TSBP1: variants seen among roughly 807,000 people sequenced by gnomAD.
TSBP1 encodes testis-expressed basic protein 1.
Under a neutral mutation model 68.8 loss-of-function variants are expected in TSBP1, and 56 were observed. The observed-to-expected ratio is 0.81, with a 90% confidence interval of 0.66 to 1.02. The LOEUF (loss-of-function observed/expected upper bound fraction) is 1.02, where lower values mean the gene tolerates loss of function less well. Among genes scored for constraint, TSBP1 ranks in the 50% least tolerant of loss-of-function variants. The pLI is 0.00. For synonymous variants in TSBP1, 171 were observed against 208.7 expected, an observed-to-expected ratio of 0.82 and a Z score of 1.56; for missense variants, 502 against 641.2, an observed-to-expected ratio of 0.78 and a Z score of 2.34.
At position 32,336,622 on chromosome 6, in the gene TSBP1, G is replaced by T. The variant is rs112744833; in HGVS notation, c.423C>A (p.Ala141=). 9,303 of 1,611,952 alleles carry T rather than the reference G, an allele frequency of 5.8e-3. 47 individuals carry two copies. The highest frequency in any genetic ancestry group is 6.4e-3 in the Non-Finnish European group (7,584 of 1,179,124). The change falls in exon 12 of 23, where the codon GCC becomes GCA. Residue 141 remains alanine (A), a synonymous_variant. Coordinates refer to ENST00000612031, the Ensembl canonical transcript of TSBP1. This position sits in a 1 kb window ranked among gnomAD's most constrained non-coding sequence, Gnocchi z 5.2. ...AACAAACTTGATACTTACGAATAGG[G>T]GCTGTGAATTGCACTGAAATACAAA...
intron 8 of TSBP1, among the ~76,000 whole-genome samples, chr6:32,351,364 G>A (rs186024225): frequency 1.0e-3 from 154 of 152,236 alleles, no homozygotes; most frequent in African/African-American, 3.2e-3. Flanking sequence ...ATGAATTTGA[G>A]TGCCTAAGAC....
At chr6:32,368,394 G>A (rs1361742008) in intron 3 of TSBP1, among the ~76,000 whole-genome samples, 1 of 152,058 alleles carries the variant, frequency 6.6e-6, no homozygotes, top group Non-Finnish European at 1.5e-5. Context: ...GTTATTCTAG[G>A]ATACATTATA....
At chr6:32,371,381 C>T (rs1016789023) in intron 1 of TSBP1, among the ~76,000 whole-genome samples, 9 of 152,072 alleles carry the variant, frequency 5.9e-5, no homozygotes, top group Non-Finnish European at 1.0e-4. Context: ...TATAGAGTGA[C>T]CATGCTACAG....
chr6:32,368,084 G>C, intron 3 of TSBP1, 127 bp from the exon 4 acceptor site: 3 of 748,302 alleles, frequency 4.0e-6, no homozygotes, highest in Non-Finnish European at 6.7e-6. Flanking sequence ...AATTTACTTT[G>C]CAGGAACTAG....
At chr6:32,348,415 C>T (rs1267018157) in intron 9 of TSBP1, among the ~76,000 whole-genome samples, 1 of 152,172 alleles carries the variant, frequency 6.6e-6, no homozygotes, top group Non-Finnish European at 1.5e-5. Context: ...ACAAAACAGC[C>T]TTATTCATGG....
intron 19 of TSBP1, among the ~76,000 whole-genome samples, chr6:32,309,048 C>T (rs772414586): frequency 4.3e-4 from 64 of 148,824 alleles, no homozygotes; most frequent in Non-Finnish European, 9.0e-4. Flanking sequence ...CTCCCAGGCT[C>T]GAGCAATCCT....
intron 2 of TSBP1, among the ~76,000 whole-genome samples, chr6:32,369,285 A>ATT (rs9279610): frequency 2.2e-4 from 31 of 141,508 alleles, no homozygotes; most frequent in East Asian, 6.2e-4. Context: ...TCTCACTTCT[A>ATT]TTTTTTTTTT....
At chr6:32,329,692 G>A (rs1379506078) in intron 16 of TSBP1, among the ~76,000 whole-genome samples, 1 of 152,086 alleles carries the variant, frequency 6.6e-6, no homozygotes, top group Non-Finnish European at 1.5e-5. Flanking sequence ...TATCCTCAGT[G>A]CTCAGCTTAG....
exon 23 of TSBP1, chr6:32,293,725 T>C: frequency 6.2e-7 from 1 of 1,613,022 alleles, no homozygotes; most frequent in Non-Finnish European, 8.5e-7. Flanking sequence ...CCTGTCCTTG[T>C]GGTATACTCA....
In TSBP1 at chr6:32,366,170, G is replaced by A. The variant is rs147081172; in HGVS notation, c.214C>T (p.Arg72Ter). The A allele has an allele frequency of 1.0e-5, 16 of 1,601,616 alleles. No individual in the cohort carries two copies. Among genetic ancestry groups the A allele is most frequent in the Admixed American group, 6.9e-5 (4 of 58,086 alleles). The stretch of plus-strand genomic sequence containing the variant: ...AAAAATCTCTACATATACTTACCTC[G>A]GTTATCATATGAAGTGTCTAGAGAA... Residue 72 changes from arginine to a stop codon, truncating the protein, a stop_gained, in exon 6 of 23, where the codon CGA becomes TGA. Coordinates refer to ENST00000612031, the Ensembl canonical transcript of TSBP1. LOFTEE classifies it high-confidence loss of function.
intron 18 of TSBP1, 50 bp from the exon 20 acceptor site, chr6:32,322,556 C>T: frequency 7.4e-7 from 1 of 1,349,580 alleles, no homozygotes; most frequent in Non-Finnish European, 1.1e-6. Flanking sequence ...AAATAGAAAA[C>T]ACATAGTATT....
In TSBP1 at chr6:32,333,917, G is replaced by T; in HGVS notation, c.472+1520C>A. 5.2e-6 allele frequency: 1 copy of T among 191,340 alleles called. No individual in the cohort carries two copies. The highest frequency in any genetic ancestry group is 6.9e-5 in the South Asian group (1 of 14,594). 11.9% of individuals were successfully genotyped at this position (191,340 alleles called of 1,614,324 possible). ...ACCTGGAAGATGGCTTTCCAGATCTGGATACCCTTGGCTATGAGCAGTAAA... is the reference window on the plus strand; with the variant it reads ...ACCTGGAAGATGGCTTTCCAGATCTTGATACCCTTGGCTATGAGCAGTAAA... On this transcript the variant is annotated intron_variant, in intron 14 of 22. Coordinates refer to ENST00000612031, the Ensembl canonical transcript of TSBP1. This position sits in a 1 kb window ranked among gnomAD's most constrained non-coding sequence, Gnocchi z 4.2.
chr6:32,355,761 C>A, intron 6 of TSBP1, 92 bp from the exon 7 acceptor site: 1 of 1,418,204 alleles, frequency 7.1e-7, no homozygotes, highest in Non-Finnish European at 9.3e-7. Context: ...AATCAACACC[C>A]TCAAATATCC....
intron 9 of TSBP1, among the ~76,000 whole-genome samples, chr6:32,347,253 T>A (rs895235308): frequency 6.6e-6 from 1 of 151,676 alleles, no homozygotes; most frequent in Non-Finnish European, 1.5e-5. Flanking sequence ...AGCCTTGACC[T>A]CTTGGGCTCA....
At chr6:32,318,761 T>C (rs1328377364) in intron 18 of TSBP1, among the ~76,000 whole-genome samples, 1 of 151,920 alleles carries the variant, frequency 6.6e-6, no homozygotes, top group Non-Finnish European at 1.5e-5. Flanking sequence ...GGGTTTTGGG[T>C]TGGGGGATAG....
At chr6:32,324,693 A>G in intron 16 of TSBP1, 1 of 1,550,742 alleles carries the variant, frequency 6.4e-7, no homozygotes, top group Non-Finnish European at 8.7e-7. Flanking sequence ...AAAAACAAGC[A>G]AAGATACTTT....
chr6:32,305,789 C>T (rs559067927), intron 19 of TSBP1, among the ~76,000 whole-genome samples: 1 of 152,312 alleles, frequency 6.6e-6, no homozygotes, highest in African/African-American at 2.4e-5. Flanking sequence ...AGCCACCACG[C>T]CTGGCCAGGT....
intron 1 of TSBP1, among the ~76,000 whole-genome samples, chr6:32,370,760 TAG>T (rs1472486517): frequency 6.6e-6 from 1 of 151,506 alleles, no homozygotes; most frequent in African/African-American, 2.4e-5. Flanking sequence ...TGATGTAAGA[TAG>T]AGTCTTGCAG....
At chr6:32,342,924 A>G (rs2127616315) in intron 9 of TSBP1, among the ~76,000 whole-genome samples, 1 of 152,330 alleles carries the variant, frequency 6.6e-6, no homozygotes, top group African/African-American at 2.4e-5. Context: ...GAAGGAAAAT[A>G]TTTAAAGATG....
Sources: gnomAD v4.1 joint callset for allele counts (sites outside exome capture counted in the v4.1 genomes callset) on GRCh38, gnomAD v4.1.1 for gene constraint, Gnocchi (gnomAD v3.1) non-coding constraint, MANE v1.5 for transcripts, NCBI Gene and HGNC (gene_info 2026-07-23, HGNC 2026-07-21) for gene names.